The following KLHL29 variants were observed in gnomAD, a reference collection of about 807,000 sequenced individuals.
KLHL29 encodes the protein kelch-like protein 29.
A neutral mutation model predicts 80.4 loss-of-function variants in KLHL29; 21 were observed. The observed-to-expected ratio is 0.26, with a 90% CI of 0.19 to 0.38. The LOEUF is 0.38. Among genes scored for constraint, KLHL29 ranks in the 10% least tolerant of loss-of-function variants. The pLI, the probability that KLHL29 is intolerant of heterozygous loss-of-function variation, is 1.00. For synonymous variants in KLHL29, 511 were observed against 526.8 expected (o/e 0.97, Z 0.41); for missense variants, 867 against 1,223.9 (o/e 0.71, Z 4.35).
intron 3 of KLHL29, among the ~76,000 whole-genome samples, chr2:23,603,020 G>A (rs962773351): frequency 3.9e-5 from 6 of 152,206 alleles, no homozygotes; most frequent in Non-Finnish European, 7.3e-5. Flanking sequence ...TGAGTATGGC[G>A]TGAGCCACCC....
intron 3 of KLHL29, among the ~76,000 whole-genome samples, chr2:23,575,224 C>T (rs1656796041): frequency 6.6e-6 from 1 of 152,170 alleles, no homozygotes; most frequent in Non-Finnish European, 1.5e-5. Context: ...TTTTTGTGGT[C>T]CATTTCTCTA....
At chr2:23,609,738 T>C (rs973572443) in intron 3 of KLHL29, among the ~76,000 whole-genome samples, 1 of 152,182 alleles carries the variant, frequency 6.6e-6, no homozygotes, top group Non-Finnish European at 1.5e-5. Context: ...ACAAGCACTT[T>C]GCGTGTTTAT....
chr2:23,417,335 G>A (rs1010411714), intron 1 of KLHL29, among the ~76,000 whole-genome samples: 1 of 152,274 alleles, frequency 6.6e-6, no homozygotes, highest in East Asian at 1.9e-4. Context: ...GGGGATACAC[G>A]TTTGTTGTGT....
At chr2:23,609,093 C>A (rs1460388072) in intron 3 of KLHL29, among the ~76,000 whole-genome samples, 1 of 152,202 alleles carries the variant, frequency 6.6e-6, no homozygotes, top group Non-Finnish European at 1.5e-5. Flanking sequence ...CCCCTGATAT[C>A]AGTCATTTAG....
intron 3 of KLHL29, among the ~76,000 whole-genome samples, chr2:23,590,679 A>T (rs1668237098): frequency 6.6e-6 from 1 of 152,176 alleles, no homozygotes; most frequent in South Asian, 2.1e-4. Flanking sequence ...CAGCTTCTGA[A>T]GTCCAGGCCA....
At chr2:23,442,334 C>G (rs1460652157) in intron 1 of KLHL29, among the ~76,000 whole-genome samples, 3 of 152,092 alleles carry the variant, frequency 2.0e-5, no homozygotes, top group Admixed American at 6.6e-5. Flanking sequence ...CTCAAGTGAT[C>G]CTCCCATCTC....
intron 1 of KLHL29, among the ~76,000 whole-genome samples, chr2:23,435,153 T>G (rs874125): frequency 0.052 from 7,889 of 152,110 alleles, 239 homozygotes; most frequent in African/African-American, 0.075. Context: ...TGGAGTGTGG[T>G]CTTCAGAATG....
chr2:23,670,034 C>G (rs1220888630), intron 5 of KLHL29: 1 of 152,090 alleles, frequency 6.6e-6, no homozygotes, highest in Non-Finnish European at 1.5e-5. Flanking sequence ...CCAGAAGGCC[C>G]CAGAGCATGG....
At chr2:23,478,783 T>C (rs900496522) in intron 2 of KLHL29, among the ~76,000 whole-genome samples, 1 of 152,102 alleles carries the variant, frequency 6.6e-6, no homozygotes, top group African/African-American at 2.4e-5. Flanking sequence ...GTCCAGGCCG[T>C]TTGTCCCCCT....
At chr2:23,617,057 C>T (rs1412026346) in intron 3 of KLHL29, 3 of 152,208 alleles carry the variant, frequency 2.0e-5, no homozygotes, top group Non-Finnish European at 4.4e-5. Context: ...CTTTTATTTA[C>T]CAAAGGTAAA....
chr2:23,421,012 G>T (rs915008601), intron 1 of KLHL29, among the ~76,000 whole-genome samples: 1 of 152,074 alleles, frequency 6.6e-6, no homozygotes, highest in African/African-American at 2.4e-5. Context: ...TAACATCTTC[G>T]CACACTAGTC....
intron 2 of KLHL29, among the ~76,000 whole-genome samples, chr2:23,489,338 A>G (rs1362028380): frequency 2.6e-5 from 4 of 151,008 alleles, no homozygotes; most frequent in African/African-American, 7.3e-5. Flanking sequence ...CTCTTCCCAA[A>G]GGTCTCCAGG....
intron 3 of KLHL29, among the ~76,000 whole-genome samples, chr2:23,609,437 G>C (rs1668803773): frequency 6.6e-6 from 1 of 152,126 alleles, no homozygotes; most frequent in South Asian, 2.1e-4. Context: ...GAGCTGGAGA[G>C]GTGAGCTGGG....
chr2:23,492,992 C>T (rs570020613), intron 2 of KLHL29, among the ~76,000 whole-genome samples: 32 of 152,338 alleles, frequency 2.1e-4, no homozygotes, highest in African/African-American at 7.7e-4. Flanking sequence ...ACTTTCATCT[C>T]TCCCTCATCT....
Position 23,556,701 on chromosome 2 carries a change from C to G in KLHL29, c.-45-5451C>G, listed in dbSNP as rs867048732. On this transcript the variant is annotated intron_variant, in intron 2 of 13. Coordinates refer to ENST00000486442, the MANE Select transcript of KLHL29 (RefSeq NM_052920.2). ...TCAGGGTTCTGCCCTCCTCCCCTCC[C>G]GTCTCCTGGCCAGCATCGGCTTTGC... 2.6e-5 allele frequency among the ~76,000 whole-genome samples: 4 copies of G among 152,110 alleles called. No individual in the cohort carries two copies. In the Middle Eastern group the frequency reaches 0.014, roughly 517 times the overall value.
intron 5 of KLHL29, among the ~76,000 whole-genome samples, chr2:23,678,531 G>T (rs945757569): frequency 3.3e-5 from 5 of 152,196 alleles, no homozygotes; most frequent in African/African-American, 4.8e-5. Context: ...AGACCGGCCA[G>T]TCTCTGCCAA....
Position 23,647,009 on chromosome 2 carries a change from G to A in KLHL29, c.940+4159G>A, listed in dbSNP as rs965376701. ...AGGGTCTAGAGAGTTCAGCAGAGAA[G>A]GAGGCTAGGGAAGGGGCAGAAGGCC... On this transcript the variant is annotated intron_variant, in intron 5 of 13. Transcript: ENST00000486442. The surrounding 1 kb of genome is among the most constrained non-coding windows in gnomAD (Gnocchi z 4.9). 6.6e-6 allele frequency among the ~76,000 whole-genome samples: 1 copy of A among 152,232 alleles called. No homozygotes were observed. Among genetic ancestry groups the A allele is most frequent in the Non-Finnish European group, 1.5e-5 (1 of 68,042 alleles).
intron 1 of KLHL29, among the ~76,000 whole-genome samples, chr2:23,406,384 A>G (rs1666734118): frequency 6.6e-6 from 1 of 151,472 alleles, no homozygotes; most frequent in East Asian, 1.9e-4. Flanking sequence ...GATTGTTAAT[A>G]TTTTATCATA....
At chr2:23,492,312 T>C (rs183414809) in intron 2 of KLHL29, among the ~76,000 whole-genome samples, 12 of 152,342 alleles carry the variant, frequency 7.9e-5, no homozygotes, top group Middle Eastern at 3.4e-3. Context: ...ACACTGTTCA[T>C]GCCTCTAGTG....
Sources: gnomAD v4.1 joint callset for allele counts (sites outside exome capture counted in the v4.1 genomes callset) on GRCh38, gnomAD v4.1.1 for gene constraint, Gnocchi (gnomAD v3.1) non-coding constraint, MANE v1.5 for transcripts, NCBI Gene and HGNC (gene_info 2026-07-23, HGNC 2026-07-21) for gene names.